The following SOX5 variants were observed in gnomAD, a reference collection of about 807,000 sequenced individuals.
The protein encoded by SOX5 is SRY-box transcription factor 5, also known as transcription factor SOX-5.
A neutral mutation model predicts 92.0 loss-of-function variants in SOX5; 9 were observed. The ratio of observed to expected loss-of-function variants is 0.10; its 90% confidence interval spans 0.06 to 0.17. The LOEUF is 0.17. SOX5 is among the 10% of genes least tolerant of loss of function. The pLI is 1.00. For missense variants in SOX5, 642 were observed against 944.5 expected (o/e 0.68, Z 4.20); for synonymous variants, 344 against 336.3 (o/e 1.02, Z -0.25).
At chr12:23,863,273 A>T (rs931063044) in intron 2 of SOX5, among the ~76,000 whole-genome samples, 1 of 152,224 alleles carries the variant, frequency 6.6e-6, no homozygotes, top group Non-Finnish European at 1.5e-5. Flanking sequence ...TTAACCTCAG[A>T]TTGCATTCAG....
Position 24,440,028 on chromosome 12 carries a change from T to C in SOX5, c.-250-71389A>G, listed in dbSNP as rs1452801916. On this transcript the variant is annotated intron_variant, in intron 1 of 4. Coordinates refer to the SOX5 transcript ENST00000446891. The stretch of plus-strand genomic sequence containing the variant: ...TTAAATAAGCAAACATCTTGGTTGG[T>C]GGCAATTTAAAATTCTAGTCAATAA... 2.6e-5 allele frequency among the ~76,000 whole-genome samples: 4 copies of C among 152,216 alleles called. No homozygotes were observed. The East Asian group carries it at 7.7e-4, about 29-fold the overall frequency.
chr12:24,445,335 A>G (rs1030831753), intron 1 of SOX5, among the ~76,000 whole-genome samples: 7 of 152,218 alleles, frequency 4.6e-5, no homozygotes, highest in African/African-American at 1.7e-4. Flanking sequence ...TATTAAAATT[A>G]TGTGACTGTG....
At chr12:24,448,440 CA>C (rs2137287975) in intron 1 of SOX5, among the ~76,000 whole-genome samples, 2 of 152,248 alleles carry the variant, frequency 1.3e-5, no homozygotes, top group South Asian at 4.2e-4. Context: ...CCTTGGAAGG[CA>C]ACAATAAGCC....
At chr12:23,641,639 A>C (rs920332004) in intron 7 of SOX5, among the ~76,000 whole-genome samples, 1 of 152,168 alleles carries the variant, frequency 6.6e-6, no homozygotes, top group Non-Finnish European at 1.5e-5. Context: ...CACATAGAGA[A>C]GGTTATTCTG....
At chr12:23,660,602 C>T (rs1290825958) in intron 7 of SOX5, among the ~76,000 whole-genome samples, 1 of 152,004 alleles carries the variant, frequency 6.6e-6, no homozygotes, top group African/African-American at 2.4e-5. Context: ...TGATTATCTT[C>T]ATCATACTAT....
At chr12:24,095,199 C>G (rs1019231976) in intron 4 of SOX5, among the ~76,000 whole-genome samples, 3 of 135,672 alleles carry the variant, frequency 2.2e-5, no homozygotes, top group African/African-American at 7.9e-5. Flanking sequence ...AGAGAGATTC[C>G]TTTCCTAATT....
At chr12:24,400,453 G>A (rs4963756) in intron 1 of SOX5, among the ~76,000 whole-genome samples, 33,854 of 152,086 alleles carry the variant, frequency 0.22, 4,096 homozygotes, top group South Asian at 0.3. Context: ...GAAAGTTGCT[G>A]AGCAACAGCA....
At chr12:24,408,708 T>C (rs1169457914) in intron 1 of SOX5, among the ~76,000 whole-genome samples, 2 of 152,246 alleles carry the variant, frequency 1.3e-5, no homozygotes, top group Non-Finnish European at 2.9e-5. Context: ...TGCTGAATAG[T>C]GTTCTATGGT....
chr12:23,708,176 G>A lies in SOX5; in HGVS notation c.810+26508C>T, dbSNP rs553200890. On this transcript the variant is annotated intron_variant, in intron 6 of 14. Transcript: ENST00000451604. Reference sequence around the variant, plus strand: ...AATTTTTTTGTTCTAGGAAAATCTGGGAACTATTTTTTTTTTTTCTTGGAA... The same window carrying A: ...AATTTTTTTGTTCTAGGAAAATCTGAGAACTATTTTTTTTTTTTCTTGGAA... Among the ~76,000 whole-genome samples, 22 of 142,894 alleles carry A rather than the reference G, an allele frequency of 1.5e-4. 1 individual carries two copies. The highest frequency in any genetic ancestry group is 7.1e-3 in the Middle Eastern group (2 of 282). 93.7% of individuals were successfully genotyped at this position (142,894 alleles called of 152,430 possible).
In SOX5 at chr12:24,201,387, A is replaced by T. The variant is rs578056524; in HGVS notation, c.-2+11956T>A. Among the ~76,000 whole-genome samples, 16 of 152,172 alleles carry T rather than the reference A, an allele frequency of 1.1e-4. No homozygotes were observed. The East Asian group carries it at 3.1e-3, about 29-fold the overall frequency. On this transcript the variant is annotated intron_variant, in intron 4 of 4. Transcript: ENST00000446891. ...CACCTGCATAGTCTTATACACAAACATTTCATGTACTTCTAGGGAGTTTCC... is the reference window on the plus strand; with the variant it reads ...CACCTGCATAGTCTTATACACAAACTTTTCATGTACTTCTAGGGAGTTTCC...
chr12:24,419,072 T>G (rs1451978293), intron 1 of SOX5, among the ~76,000 whole-genome samples: 1 of 152,060 alleles, frequency 6.6e-6, no homozygotes, highest in Non-Finnish European at 1.5e-5. Context: ...AAACACTGGA[T>G]CCCACACCTC....
At chr12:23,926,636 C>A (rs920369342) in intron 1 of SOX5, among the ~76,000 whole-genome samples, 2 of 151,902 alleles carry the variant, frequency 1.3e-5, no homozygotes, top group Non-Finnish European at 2.9e-5. Context: ...TTCCTGATAG[C>A]AATTCATTTC....
intron 4 of SOX5, among the ~76,000 whole-genome samples, chr12:23,974,543 T>A (rs1288001787): frequency 1.3e-5 from 2 of 152,196 alleles, no homozygotes; most frequent in Non-Finnish European, 2.9e-5. Context: ...AAAGTCATAA[T>A]CAGCCTATCT....
chr12:23,851,555 C>T (rs569184390), intron 2 of SOX5, among the ~76,000 whole-genome samples: 1 of 133,434 alleles, frequency 7.5e-6, no homozygotes, highest in Admixed American at 7.4e-5. Context: ...TCAGCACTTA[C>T]AGACAGACCT....
At chr12:24,202,185 C>T (rs1957583581) in intron 4 of SOX5, among the ~76,000 whole-genome samples, 1 of 152,170 alleles carries the variant, frequency 6.6e-6, no homozygotes, top group Admixed American at 6.6e-5. Flanking sequence ...CAAAATAGGA[C>T]CCAGTTCACA....
chr12:24,223,818 C>G (rs1250034285), intron 3 of SOX5, among the ~76,000 whole-genome samples: 2 of 152,016 alleles, frequency 1.3e-5, no homozygotes, highest in Non-Finnish European at 2.9e-5. Flanking sequence ...AACATACACA[C>G]ACGAATGAGT....
At chr12:23,990,178 G>C (rs1374130030) in intron 4 of SOX5, among the ~76,000 whole-genome samples, 1 of 152,116 alleles carries the variant, frequency 6.6e-6, no homozygotes, top group Non-Finnish European at 1.5e-5. Context: ...TGTCCCCTCA[G>C]TTGCATTATT....
At chr12:24,098,852 T>A (rs901379458) in intron 4 of SOX5, among the ~76,000 whole-genome samples, 1 of 152,146 alleles carries the variant, frequency 6.6e-6, no homozygotes, top group Non-Finnish European at 1.5e-5. Context: ...CATGTGTCCA[T>A]ATGCTCAGAC....
chr12:24,150,811 A>G (rs1464476422), intron 4 of SOX5, among the ~76,000 whole-genome samples: 1 of 152,124 alleles, frequency 6.6e-6, no homozygotes, highest in Non-Finnish European at 1.5e-5. Flanking sequence ...GCAAATGAAA[A>G]GATCTGGGGT....
Sources: gnomAD v4.1 joint callset for allele counts (sites outside exome capture counted in the v4.1 genomes callset) on GRCh38, gnomAD v4.1.1 for gene constraint, MANE v1.5 for transcripts, NCBI Gene and HGNC (gene_info 2026-07-23, HGNC 2026-07-21) for gene names.